PIGK: variants seen among roughly 807,000 people sequenced by gnomAD.
The protein encoded by PIGK is GPI-anchor transamidase.
PIGK carries 42 observed loss-of-function variants against 50.6 expected under a neutral mutation model. The ratio of observed to expected loss-of-function variants is 0.83; its 90% CI spans 0.65 to 1.07. The LOEUF (loss-of-function observed/expected upper bound fraction) is 1.07, where lower values mean the gene tolerates loss of function less well. PIGK is among the 50% of genes least tolerant of loss of function. The probability of loss-of-function intolerance (pLI) is 0.00; values close to 1 mark genes in which losing one functional copy is unlikely to be tolerated. For synonymous variants in PIGK, 151 were observed against 156.0 expected (o/e 0.97, Z 0.24); for missense variants, 448 against 488.7 (o/e 0.92, Z 0.78).
Position 77,092,397 on chromosome 1 carries a change from T to A in PIGK, c.1165A>T (p.Lys389Ter), listed in dbSNP as rs1479164835. The A allele has an allele frequency of 1.1e-5, 17 of 1,583,888 alleles. No individual in the cohort carries two copies. The highest frequency in any genetic ancestry group is 1.2e-5 in the Non-Finnish European group (14 of 1,155,762). The change falls in exon 11 of 11, where the codon AAG becomes TAG. Residue 389 changes from lysine to a stop codon, truncating the protein, a stop_gained. Coordinates refer to ENST00000370812, the MANE Select transcript of PIGK (RefSeq NM_005482.3). LOFTEE classifies it high-confidence loss of function. ...IMVFFKTYGI[K>*]HMKFIF The stretch of plus-strand genomic sequence containing the variant: ...GTCTAAAAAATGAACTTCATATGCT[T>A]AATTCCATAAGTTTTGAAGAAAACC...
rs1030593493 is a variant in PIGK at position 77,214,849 on chromosome 1, A to T, written c.94-4360T>A. Reference sequence around the variant, plus strand: ...AGACAAAAATCAATGGCGTTTCTATATACCAATAATGAACTAGTTGAAGAA... The same window carrying T: ...AGACAAAAATCAATGGCGTTTCTATTTACCAATAATGAACTAGTTGAAGAA... On this transcript the variant is annotated intron_variant, in intron 1 of 10. Transcript: ENST00000370812. 2.0e-5 allele frequency among the ~76,000 whole-genome samples: 3 copies of T among 152,194 alleles called. No individual in the cohort carries two copies. The South Asian group carries it at 6.2e-4, about 32-fold the overall frequency.
intron 10 of PIGK, among the ~76,000 whole-genome samples, chr1:77,108,486 T>A (rs542719572): frequency 1.3e-5 from 2 of 152,304 alleles, no homozygotes; most frequent in South Asian, 4.1e-4. Flanking sequence ...CTTCCCTTTG[T>A]GGGTAACCCG....
At chr1:77,157,027 C>T (rs1029693627) in intron 8 of PIGK, among the ~76,000 whole-genome samples, 24 of 152,194 alleles carry the variant, frequency 1.6e-4, no homozygotes, top group African/African-American at 5.8e-4. Context: ...AGGATCCAGA[C>T]ATTTCACATA....
intron 10 of PIGK, among the ~76,000 whole-genome samples, chr1:77,101,940 G>A (rs548441575): frequency 3.3e-5 from 5 of 152,154 alleles, no homozygotes; most frequent in Middle Eastern, 3.2e-3. Context: ...GGAGGCGGAG[G>A]CTGCAGTGAG....
At chr1:77,125,059 A>G (rs1047520503) in intron 9 of PIGK, among the ~76,000 whole-genome samples, 2 of 152,224 alleles carry the variant, frequency 1.3e-5, no homozygotes, top group Admixed American at 6.5e-5. Context: ...AAGAAATATG[A>G]CAAAGTCACT....
chr1:77,169,177 T>G, intron 4 of PIGK, 83 bp downstream of exon 4: 6 of 878,888 alleles, frequency 6.8e-6, no homozygotes, highest in Non-Finnish European at 3.3e-6. Context: ...AGAAAAATAA[T>G]AAGACAATTT....
chr1:77,106,548 A>G (rs966411739), intron 10 of PIGK, among the ~76,000 whole-genome samples: 3 of 152,218 alleles, frequency 2.0e-5, no homozygotes, highest in African/African-American at 7.2e-5. Context: ...ACATATTTGT[A>G]CAACAAAAAT....
Position 77,154,432 on chromosome 1 carries a change from T to C in PIGK, c.986+17A>G, listed in dbSNP as rs1310864555. The C allele has an allele frequency of 6.4e-7, 1 of 1,569,960 alleles. No individual in the cohort carries two copies. Among genetic ancestry groups the C allele is most frequent in the South Asian group, 1.1e-5 (1 of 89,526 alleles). On this transcript the variant is annotated intron_variant, in intron 9 of 10. Transcript: ENST00000370812. Reference sequence around the variant, plus strand: ...TGAGACTAGTATTCTATTCAAATAATGGTTTAAGATGAATACCTGCTTTCC... The same window carrying C: ...TGAGACTAGTATTCTATTCAAATAACGGTTTAAGATGAATACCTGCTTTCC...
intron 1 of PIGK, among the ~76,000 whole-genome samples, chr1:77,218,091 G>A (rs926544963): frequency 2.6e-5 from 4 of 152,130 alleles, no homozygotes; most frequent in African/African-American, 9.7e-5. Flanking sequence ...CTGATAGGGT[G>A]TGTATTCAAA....
At chr1:77,156,355 C>A (rs1456357401) in intron 8 of PIGK, among the ~76,000 whole-genome samples, 1 of 152,278 alleles carries the variant, frequency 6.6e-6, no homozygotes, top group Admixed American at 6.5e-5. Flanking sequence ...TATGAAGTCA[C>A]TCCTTTCTTT....
intron 3 of PIGK, among the ~76,000 whole-genome samples, chr1:77,177,801 A>G (rs75798422): frequency 0.026 from 4,031 of 152,196 alleles, 74 homozygotes; most frequent in Non-Finnish European, 0.041. Flanking sequence ...TGCCCACACC[A>G]TCCACACTGC....
rs1249738533 is a variant in PIGK, at chr1:77,090,015, G to C, written c.*2359C>G. ...TTGAGTAGCTTAGAAAGCTACATAA[G>C]TGCACTGTGACCATTAACTTCCCCT... On this transcript the variant is annotated 3_prime_UTR_variant, in exon 11 of 11. Coordinates refer to ENST00000370812, the MANE Select transcript of PIGK (RefSeq NM_005482.3). 1 of 152,194 alleles carries C rather than the reference G, an allele frequency of 6.6e-6. No individual in the cohort carries two copies. The highest frequency in any genetic ancestry group is 6.5e-5 in the Admixed American group (1 of 15,284). The allele number at this position is 152,194 out of a possible 1,614,324, so 9.4% of individuals were successfully genotyped here.
chr1:77,129,335 G>C, intron 9 of PIGK: 1 of 1,588,860 alleles, frequency 6.3e-7, no homozygotes, highest in African/African-American at 1.3e-5. Context: ...CGCAGGCCAA[G>C]CAGTGGGGCT....
chr1:77,139,485 TC>T (rs1654595921), intron 9 of PIGK, among the ~76,000 whole-genome samples: 2 of 152,052 alleles, frequency 1.3e-5, no homozygotes, highest in African/African-American at 4.8e-5. Flanking sequence ...CCATAGACAC[TC>T]CCGCTTTTTA....
chr1:77,181,147 TATGAAGG>T (rs1287594611), intron 3 of PIGK, among the ~76,000 whole-genome samples: 1 of 152,074 alleles, frequency 6.6e-6, no homozygotes, highest in Non-Finnish European at 1.5e-5. Flanking sequence ...GATAAACATA[TATGAAGG>T]GAAAAATAGC....
At chr1:77,215,472 G>A (rs189817989) in intron 1 of PIGK, among the ~76,000 whole-genome samples, 5 of 152,256 alleles carry the variant, frequency 3.3e-5, no homozygotes, top group Admixed American at 6.5e-5. Flanking sequence ...CTGCTGGTGG[G>A]AATGTAAATT....
At chr1:77,124,829 C>A (rs951758960) in intron 9 of PIGK, among the ~76,000 whole-genome samples, 3 of 151,972 alleles carry the variant, frequency 2.0e-5, no homozygotes, top group African/African-American at 7.3e-5. Flanking sequence ...AAAAAGCGAA[C>A]AACTCAATAT....
intron 3 of PIGK, among the ~76,000 whole-genome samples, chr1:77,175,601 A>C (rs1034801181): frequency 9.2e-5 from 14 of 152,188 alleles, no homozygotes; most frequent in African/African-American, 3.4e-4. Flanking sequence ...TGAGAATGTA[A>C]ATTTTTGCCT....
chr1:77,136,536 CAAAAAA>C (rs778130093), intron 9 of PIGK, among the ~76,000 whole-genome samples: 2 of 63,672 alleles, frequency 3.1e-5, no homozygotes, highest in Admixed American at 3.8e-4. Flanking sequence ...GACTCCGTCT[CAAAAAA>C]AAAAAAAAAA....
Sources: gnomAD v4.1 joint callset for allele counts (sites outside exome capture counted in the v4.1 genomes callset) on GRCh38, gnomAD v4.1.1 for gene constraint, MANE v1.5 for transcripts, NCBI Gene and HGNC (gene_info 2026-07-23, HGNC 2026-07-21) for gene names.